BICD1: variants seen among roughly 807,000 people sequenced by gnomAD.
BICD1 encodes the protein protein bicaudal D homolog 1.
BICD1 carries 35 observed loss-of-function variants against 92.5 expected under a neutral mutation model. The ratio of observed to expected loss-of-function variants is 0.38; its 90% CI spans 0.29 to 0.50. The LOEUF (loss-of-function observed/expected upper bound fraction) is 0.50, where lower values mean the gene tolerates loss of function less well. Among genes scored for constraint, BICD1 ranks in the 20% least tolerant of loss-of-function variants. The pLI is 0.93. For missense variants in BICD1, 950 were observed against 1,189.8 expected, an observed-to-expected ratio of 0.80 and a Z score of 2.97; for synonymous variants, 429 against 465.1, an observed-to-expected ratio of 0.92 and a Z score of 1.00.
Position 32,272,018 on chromosome 12 carries a change from TA to T in BICD1, c.427-21972del, listed in dbSNP as rs1327783816. Among the ~76,000 whole-genome samples the T allele has an allele frequency of 3.3e-5, 5 of 152,278 alleles. No individual in the cohort carries two copies. The East Asian group carries it at 9.7e-4, about 29-fold the overall frequency. ...GGCCTCAGTTTACCCATTATTGTAG[TA>T]AAACATGTACTACAAGTTACTTTTT... On this transcript the variant is annotated intron_variant, in intron 2 of 9. Transcript: ENST00000652176.
At chr12:32,184,872 T>C (rs1160185612) in intron 1 of BICD1, among the ~76,000 whole-genome samples, 1 of 152,248 alleles carries the variant, frequency 6.6e-6, no homozygotes, top group Non-Finnish European at 1.5e-5. Context: ...TTATTAGCTA[T>C]ATGCCTACAG....
rs1217882321 is a variant in BICD1, at chr12:32,338,952, G to T, written c.2737G>T (p.Glu913Ter). The T allele has an allele frequency of 1.3e-6, 2 of 1,597,908 alleles. No homozygotes were observed. The highest frequency in any genetic ancestry group is 1.7e-6 in the Non-Finnish European group (2 of 1,174,834). ...CATCCAAGGGCACCGGCTCAGCAAG[G>T]AAAAAAGGTTAACCGTGGCTCCACC... is the stretch of plus-strand genomic sequence containing the variant. ...EFIQGHRLSK[E>*]KRLTVAPPDC... Residue 913 changes from glutamate (E) to a stop codon, truncating the protein, a stop_gained, in exon 8 of 10, where the codon GAA becomes TAA. Coordinates refer to ENST00000652176, the MANE Select transcript of BICD1 (RefSeq NM_001714.4). LOFTEE classifies it high-confidence loss of function.
intron 2 of BICD1, among the ~76,000 whole-genome samples, chr12:32,247,843 G>T (rs1239095230): frequency 6.6e-6 from 1 of 151,594 alleles, no homozygotes; most frequent in East Asian, 2.0e-4. Context: ...CCAGCACTTT[G>T]GGAGGCCAAG....
intron 1 of BICD1, among the ~76,000 whole-genome samples, chr12:32,213,260 C>T (rs552146949): frequency 5.9e-5 from 9 of 152,238 alleles, no homozygotes; most frequent in South Asian, 2.1e-4. Flanking sequence ...TGAAGAGTCC[C>T]GACCAGTGAT....
intron 2 of BICD1, among the ~76,000 whole-genome samples, chr12:32,216,849 G>A (rs1311940794): frequency 6.6e-6 from 1 of 152,208 alleles, no homozygotes; most frequent in South Asian, 2.1e-4. Context: ...CAGTGGTGTT[G>A]GCTCAGGACA....
chr12:32,311,139 T>G (rs2136227883), intron 4 of BICD1, among the ~76,000 whole-genome samples: 1 of 152,214 alleles, frequency 6.6e-6, no homozygotes, highest in Middle Eastern at 3.4e-3. Context: ...ATGCCCAAGG[T>G]GGTCGGGGTA....
At chr12:32,274,380 T>C (rs1947224282) in intron 2 of BICD1, among the ~76,000 whole-genome samples, 1 of 152,144 alleles carries the variant, frequency 6.6e-6, no homozygotes, top group Admixed American at 6.5e-5. Context: ...TGGAAACACA[T>C]TTTGATAGTC....
intron 8 of BICD1, among the ~76,000 whole-genome samples, chr12:32,346,536 GTATATATATATATATATATATA>G (rs59893108): frequency 0.16 from 3,755 of 24,140 alleles, 797 homozygotes; most frequent in African/African-American, 0.28. Context: ...ATATATACGT[GTATATATATATATATATATATA>G]TATATATATA....
In BICD1 at chr12:32,233,573, C is replaced by T. The variant is rs540939320; in HGVS notation, c.426+17114C>T. Among the ~76,000 whole-genome samples the T allele has an allele frequency of 1.7e-4, 24 of 137,650 alleles. No individual in the cohort carries two copies. The East Asian group carries it at 3.1e-3, about 18-fold the overall frequency. 90.3% of individuals were successfully genotyped at this position (137,650 alleles called of 152,430 possible). On this transcript the variant is annotated intron_variant, in intron 2 of 9. Transcript: ENST00000652176. Reference sequence around the variant, plus strand: ...TTCCTTCCCTCCCTCCCTCCCCTTTCCTATCTTCTGAGTAGGGTCAAACAC... The same window carrying T: ...TTCCTTCCCTCCCTCCCTCCCCTTTTCTATCTTCTGAGTAGGGTCAAACAC...
intron 1 of BICD1, among the ~76,000 whole-genome samples, chr12:32,166,264 TA>T (rs1174786889): frequency 5.8e-4 from 88 of 151,906 alleles, no homozygotes; most frequent in African/African-American, 2.1e-3. Flanking sequence ...GTCTCCCAAG[TA>T]GCTGGGATTA....
intron 1 of BICD1, among the ~76,000 whole-genome samples, chr12:32,208,047 T>C (rs764241879): frequency 2.0e-5 from 3 of 152,248 alleles, no homozygotes; most frequent in Admixed American, 2.0e-4. Flanking sequence ...AAGCATTTAC[T>C]GTGTCCAAGG....
chr12:32,310,178 G>A (rs1191971777), intron 4 of BICD1, among the ~76,000 whole-genome samples: 1 of 152,176 alleles, frequency 6.6e-6, no homozygotes, highest in Non-Finnish European at 1.5e-5. Flanking sequence ...GTACAACACA[G>A]TGACTGTAGT....
At chr12:32,110,992 A>AT (rs1397808192) in intron 1 of BICD1, among the ~76,000 whole-genome samples, 2 of 122,846 alleles carry the variant, frequency 1.6e-5, no homozygotes, top group Non-Finnish European at 4.1e-5. Flanking sequence ...TATAATAATA[A>AT]AAAAAAAGAG....
intron 2 of BICD1, among the ~76,000 whole-genome samples, chr12:32,292,666 G>A (rs1947755854): frequency 6.6e-6 from 1 of 152,114 alleles, no homozygotes. Context: ...ATGGTGTGAA[G>A]GCCAAATGCA....
At chr12:32,182,909 T>TA (rs1350670072) in intron 1 of BICD1, among the ~76,000 whole-genome samples, 119 of 130,164 alleles carry the variant, frequency 9.1e-4, no homozygotes, top group East Asian at 2.3e-3. Flanking sequence ...TTTTTTTTTT[T>TA]AAAGAGATAG....
intron 1 of BICD1, among the ~76,000 whole-genome samples, chr12:32,180,927 G>T (rs1342330444): frequency 1.3e-5 from 2 of 151,562 alleles, no homozygotes; most frequent in East Asian, 3.9e-4. Flanking sequence ...ATATTCTCTT[G>T]TGGGCACCAA....
rs1234810272 is a variant in BICD1 at position 32,337,122 on chromosome 12, C to G, written c.2253-377C>G. 6.6e-6 allele frequency among the ~76,000 whole-genome samples: 1 copy of G among 152,130 alleles called. No individual in the cohort carries two copies. The highest frequency in any genetic ancestry group is 1.5e-5 in the Non-Finnish European group (1 of 68,030). On this transcript the variant is annotated intron_variant, in intron 6 of 9. Coordinates refer to ENST00000652176, the MANE Select transcript of BICD1 (RefSeq NM_001714.4). This position sits in a 1 kb window ranked among gnomAD's most constrained non-coding sequence, Gnocchi z 4.7. ...ATTAGCTTGGCATGGTGGCACACTC[C>G]TGTAATTCCAGCAACTCGGCAGGCT...
At chr12:32,237,646 C>G (rs907886279) in intron 2 of BICD1, among the ~76,000 whole-genome samples, 1 of 152,136 alleles carries the variant, frequency 6.6e-6, no homozygotes, top group African/African-American at 2.4e-5. Context: ...TAAATGTACT[C>G]TACTTGTACT....
chr12:32,338,661 T>C, intron 7 of BICD1, 125 bp from the exon 8 acceptor site: 1 of 807,816 alleles, frequency 1.2e-6, no homozygotes, highest in South Asian at 2.1e-5. Flanking sequence ...AGCAAAAAGA[T>C]TGATTTACAT....
Sources: gnomAD v4.1 joint callset for allele counts (sites outside exome capture counted in the v4.1 genomes callset) on GRCh38, gnomAD v4.1.1 for gene constraint, Gnocchi (gnomAD v3.1) non-coding constraint, MANE v1.5 for transcripts, NCBI Gene and HGNC (gene_info 2026-07-23, HGNC 2026-07-21) for gene names.